KIAA0586: variants seen among roughly 807,000 people sequenced by gnomAD.
KIAA0586 encodes the protein KIAA0586, also known as protein TALPID3.
Under a neutral mutation model 169.8 loss-of-function variants are expected in KIAA0586, and 144 were observed. That is an observed-to-expected ratio of 0.85 (90% CI 0.74 to 0.97). KIAA0586 has a LOEUF of 0.97. Among genes scored for constraint, KIAA0586 ranks in the 50% least tolerant of loss-of-function variants. The pLI is 0.00. For missense variants in KIAA0586, 1,854 were observed against 1,823.0 expected, an observed-to-expected ratio of 1.02 and a Z score of -0.31; for synonymous variants, 625 against 612.4, an observed-to-expected ratio of 1.02 and a Z score of -0.30.
chr14:58,427,642 GT>G (rs1374476475), upstream of KIAA0586: 1 of 1,535,568 alleles, frequency 6.5e-7, no homozygotes, highest in African/African-American at 1.4e-5. Flanking sequence ...TTTTGGGTGA[GT>G]TTCTTGGCGC....
At chr14:58,490,048 C>A in intron 24 of KIAA0586, 116 bp from the exon 25 acceptor site, 2 of 539,140 alleles carry the variant, frequency 3.7e-6, no homozygotes, top group Non-Finnish European at 3.2e-6. Context: ...ATAAACTTTG[C>A]CAGTATTTCC....
intron 11 of KIAA0586, 78 bp from the exon 12 acceptor site, chr14:58,458,395 A>G (rs544350784): frequency 2.9e-5 from 22 of 746,350 alleles, no homozygotes; most frequent in South Asian, 2.7e-4. Context: ...TCACAACTAG[A>G]TAAGAGTTAG....
rs939968666 is a variant in KIAA0586, at chr14:58,467,895, A to T, written c.2415A>T (p.Lys805Asn). ...CCATTGTAGAAATGAAGTCAGAAAA[A>T]AAGGATCCTCCTCAGCTTACTGTGC... ...NIAIVEMKSE[K>N]KDPPQLTVQV... is the part of the protein sequence containing the mutation. Residue 805 changes from lysine to asparagine, a missense_variant, in exon 16 of 31, where the codon AAA becomes AAT. Transcript: ENST00000652326. 6.2e-7 allele frequency: 1 copy of T among 1,613,578 alleles called. No homozygotes were observed. The highest frequency in any genetic ancestry group is 8.5e-7 in the Non-Finnish European group (1 of 1,179,688).
chr14:58,491,481 A>G (rs2042830398), intron 25 of KIAA0586, among the ~76,000 whole-genome samples: 1 of 152,230 alleles, frequency 6.6e-6, no homozygotes, highest in Non-Finnish European at 1.5e-5. Flanking sequence ...AATACTTTCA[A>G]TGAATTTAAA....
At chr14:58,436,958 A>G (rs534898473) in intron 4 of KIAA0586, among the ~76,000 whole-genome samples, 17 of 152,324 alleles carry the variant, frequency 1.1e-4, no homozygotes, top group African/African-American at 3.8e-4. Flanking sequence ...GGTCTTTAAT[A>G]TAAGATAAAT....
At chr14:58,540,037 T>C (rs1233622665) in intron 29 of KIAA0586, 34 bp from the exon 30 acceptor site, 1 of 1,291,310 alleles carries the variant, frequency 7.7e-7, no homozygotes, top group South Asian at 1.3e-5. Flanking sequence ...TATGCTTAAC[T>C]GATTTTCTTC....
At position 58,477,164 on chromosome 14, in the gene KIAA0586, T is replaced by C. The variant is rs1291930809; in HGVS notation, c.2867T>C (p.Phe956Ser). The C allele has an allele frequency of 6.3e-7, 1 of 1,581,960 alleles. No homozygotes were observed. The change falls in exon 20 of 31, where the codon TTT becomes TCT. Residue 956 changes from phenylalanine (F) to serine (S), a missense_variant. Coordinates refer to ENST00000652326, the MANE Select transcript of KIAA0586 (RefSeq NM_001329943.3). Reference protein sequence around the residue: ...EIMSRIISGLFPVQQQIAPSI... With the variant: ...EIMSRIISGLSPVQQQIAPSI... ...ATGTCAAGAATTATCTCTGGGCTCT[T>C]TCCAGTCCAGCAACAGATTGCACCT...
At chr14:58,490,142 A>G (rs2042739956) in intron 24 of KIAA0586, 22 bp from the exon 25 acceptor site, 3 of 1,141,148 alleles carry the variant, frequency 2.6e-6, no homozygotes, top group Non-Finnish European at 3.7e-6. Context: ...TTTTTTCTAA[A>G]CTTTTATATT....
intron 29 of KIAA0586, among the ~76,000 whole-genome samples, chr14:58,535,503 A>G (rs537248737): frequency 3.3e-5 from 5 of 152,200 alleles, no homozygotes; most frequent in Admixed American, 1.3e-4. Context: ...TATTTTCTGA[A>G]TTAACTATCA....
chr14:58,512,581 C>T lies in KIAA0586; in HGVS notation c.4383C>T (p.Tyr1461=), dbSNP rs2044466711. ...KQVEHKPSQS[Y]LRVRNKSDIA... ...TTGAACACAAACCATCACAAAGTTA[C>T]CTACGTGTTAGAAATAAATCTGATA... Residue 1461 remains tyrosine (Y), a synonymous_variant, in exon 29 of 31, where the codon TAC becomes TAT. Transcript: ENST00000652326. 1 of 1,543,728 alleles carries T rather than the reference C, an allele frequency of 6.5e-7. No individual in the cohort carries two copies. Among genetic ancestry groups the T allele is most frequent in the Non-Finnish European group, 8.7e-7 (1 of 1,153,350 alleles).
At chr14:58,498,360 G>A (rs1349003814) in intron 26 of KIAA0586, among the ~76,000 whole-genome samples, 4 of 151,678 alleles carry the variant, frequency 2.6e-5, no homozygotes, top group South Asian at 2.1e-4. Context: ...ATTTTTTGTC[G>A]AGACAGGGTT....
intron 6 of KIAA0586, among the ~76,000 whole-genome samples, chr14:58,444,569 G>T (rs764457451): frequency 1.3e-5 from 2 of 151,882 alleles, no homozygotes; most frequent in East Asian, 3.9e-4. Context: ...GATTACAGGC[G>T]CACACCACCA....
intron 8 of KIAA0586, among the ~76,000 whole-genome samples, chr14:58,452,979 G>A (rs898110922): frequency 4.6e-5 from 7 of 151,472 alleles, no homozygotes; most frequent in Admixed American, 6.6e-5. Flanking sequence ...GTGCGATGGT[G>A]TGATTTTGGC....
chr14:58,542,874 GCT>G (rs2046733329), intron 30 of KIAA0586, among the ~76,000 whole-genome samples: 1 of 152,030 alleles, frequency 6.6e-6, no homozygotes, highest in African/African-American at 2.4e-5. Context: ...GGGCGTGGTG[GCT>G]CACACCTGTA....
At chr14:58,547,590 T>G (rs1359580336) in intron 30 of KIAA0586, among the ~76,000 whole-genome samples, 191 bp from the exon 31 acceptor site, 8 of 151,962 alleles carry the variant, frequency 5.3e-5, no homozygotes. Flanking sequence ...GGAGTGAGGG[T>G]GGAAAGGAGG....
At chr14:58,512,467 A>AT in intron 28 of KIAA0586, 55 bp from the exon 29 acceptor site, 2 of 972,326 alleles carry the variant, frequency 2.1e-6, no homozygotes, top group Non-Finnish European at 1.5e-6. Context: ...GACTTCTCAG[A>AT]TTTTTTTAAG....
In KIAA0586 at chr14:58,465,969, G is replaced by A; in HGVS notation, c.2194G>A (p.Glu732Lys). Reference sequence around the variant, plus strand: ...GCAATATTTGTTCAGCCCAAGTAGAGAAATGCCTACTTTTTCAGGTACATT... The same window carrying A: ...GCAATATTTGTTCAGCCCAAGTAGAAAAATGCCTACTTTTTCAGGTACATT... ...DQQYLFSPSREMPTFSGTLEG... is the reference protein window; with the variant it reads ...DQQYLFSPSRKMPTFSGTLEG... The change falls in exon 15 of 31, where the codon GAA becomes AAA. Residue 732 changes from glutamate (E) to lysine (K), a missense_variant. Physicochemically the swap from Glu to Lys is moderately conservative, Grantham distance 56. Transcript: ENST00000652326. 1 of 1,613,366 alleles carries A rather than the reference G, an allele frequency of 6.2e-7. No individual in the cohort carries two copies. Among genetic ancestry groups the A allele is most frequent in the Non-Finnish European group, 8.5e-7 (1 of 1,179,478 alleles).
chr14:58,537,687 A>G (rs561858473), intron 29 of KIAA0586, among the ~76,000 whole-genome samples: 241 of 152,102 alleles, frequency 1.6e-3, no homozygotes, highest in Non-Finnish European at 2.6e-3. Context: ...TCGCTCTGTC[A>G]CCCACGCTGG....
At chr14:58,450,768 C>T (rs778014268) in intron 8 of KIAA0586, 22 bp downstream of exon 8, 2 of 1,476,122 alleles carry the variant, frequency 1.4e-6, no homozygotes, top group South Asian at 2.3e-5. Flanking sequence ...TTTTACTAGA[C>T]CTATCCCAAA....
Sources: gnomAD v4.1 joint callset for allele counts (sites outside exome capture counted in the v4.1 genomes callset) on GRCh38, gnomAD v4.1.1 for gene constraint, MANE v1.5 for transcripts, NCBI Gene and HGNC (gene_info 2026-07-23, HGNC 2026-07-21) for gene names.